The following NCOR2 variants were observed in gnomAD, a reference collection of about 807,000 sequenced individuals.
NCOR2 encodes the protein CTG repeat protein 26.
Under a neutral mutation model 262.9 loss-of-function variants are expected in NCOR2, and 81 were observed. That is an observed-to-expected ratio of 0.31 (90% CI 0.26 to 0.37). NCOR2 has a LOEUF of 0.37. Among genes scored for constraint, NCOR2 ranks in the 10% least tolerant of loss-of-function variants. The pLI is 1.00. For missense variants in NCOR2, 3,385 were observed against 3,621.4 expected, an observed-to-expected ratio of 0.93 and a Z score of 1.68; for synonymous variants, 1,659 against 1,559.3, an observed-to-expected ratio of 1.06 and a Z score of -1.51.
chr12:124,467,791 A>C (rs1293046773), intron 4 of NCOR2, among the ~76,000 whole-genome samples: 51 of 41,542 alleles, frequency 1.2e-3, no homozygotes, highest in African/African-American at 1.5e-3. Flanking sequence ...CCTTATCCTC[A>C]TCACCCCCAT....
At chr12:124,422,757 G>A (rs1197143744) in intron 11 of NCOR2, among the ~76,000 whole-genome samples, 2 of 152,256 alleles carry the variant, frequency 1.3e-5, no homozygotes, top group Non-Finnish European at 2.9e-5. Flanking sequence ...AAGAGAGGGC[G>A]TTCCTTGGAG....
At chr12:124,357,511 G>T (rs1358688870) in intron 22 of NCOR2, among the ~76,000 whole-genome samples, 1 of 152,192 alleles carries the variant, frequency 6.6e-6, no homozygotes, top group Non-Finnish European at 1.5e-5. Context: ...TGCCCAGGCT[G>T]GTCTTGAACT....
In NCOR2 at chr12:124,332,391, C is replaced by T. The variant is rs375952313; in HGVS notation, c.6832G>A (p.Ala2278Thr). Residue 2278 changes from alanine (A) to threonine (T), a missense_variant, in exon 43 of 47, where the codon GCC becomes ACC. Ala to Thr is a moderately conservative substitution (Grantham distance 58, BLOSUM62 0). Coordinates refer to ENST00000405201, the Ensembl canonical transcript of NCOR2. ...TCTTGCTTCTTGGACTTGACCATGGCGGAGTTGCTCTCGGTCAGCTTGCTG... is the reference window on the plus strand; with the variant it reads ...TCTTGCTTCTTGGACTTGACCATGGTGGAGTTGCTCTCGGTCAGCTTGCTG... 71 of 1,614,082 alleles carry T rather than the reference C, an allele frequency of 4.4e-5. No homozygotes were observed. In the Admixed American group the frequency reaches 5.0e-4, roughly 11 times the overall value.
intron 1 of NCOR2, among the ~76,000 whole-genome samples, chr12:124,515,650 TGA>T (rs2049704343): frequency 2.3e-5 from 2 of 88,270 alleles, no homozygotes; most frequent in South Asian, 4.9e-4. Flanking sequence ...AGTGTGCATA[TGA>T]GTGTGAGTGT....
intron 4 of NCOR2, 145 bp downstream of exon 6, chr12:124,472,807 C>G (rs902797882): frequency 4.8e-6 from 5 of 1,031,390 alleles, no homozygotes; most frequent in Non-Finnish European, 7.3e-6. Context: ...TGGATGTGCT[C>G]CTGTCCAATA....
intron 1 of NCOR2, among the ~76,000 whole-genome samples, chr12:124,501,334 CGA>C (rs2048721828): frequency 6.6e-6 from 1 of 152,102 alleles, no homozygotes; most frequent in Non-Finnish European, 1.5e-5. Context: ...TGACAGCCAC[CGA>C]GAGGCACGGC....
At chr12:124,550,513 G>T (rs574726668) in intron 1 of NCOR2, among the ~76,000 whole-genome samples, 67 of 152,134 alleles carry the variant, frequency 4.4e-4, no homozygotes, top group African/African-American at 1.5e-3. Context: ...GATGGTGAAC[G>T]GGGGGGAGGA....
intron 4 of NCOR2, among the ~76,000 whole-genome samples, chr12:124,468,312 ATCC>A (rs372968341): frequency 1.4e-4 from 1 of 6,946 alleles, no homozygotes; most frequent in African/African-American, 4.8e-4. Flanking sequence ...CACCCTCATC[ATCC>A]TCATCACCCT....
intron 5 of NCOR2, among the ~76,000 whole-genome samples, chr12:124,463,063 T>C (rs1177833428): frequency 6.6e-6 from 1 of 152,234 alleles, no homozygotes; most frequent in African/African-American, 2.4e-5. Context: ...GTCTCCTCTA[T>C]GAAGCCCATC....
intron 1 of NCOR2, among the ~76,000 whole-genome samples, chr12:124,565,781 A>T (rs2052218925): frequency 6.6e-6 from 1 of 152,220 alleles, no homozygotes. Flanking sequence ...CCTGACAGGC[A>T]CAGAGAAGTT....
At chr12:124,409,964 C>T (rs2042477147) in intron 13 of NCOR2, among the ~76,000 whole-genome samples, 1 of 151,902 alleles carries the variant, frequency 6.6e-6, no homozygotes, top group Non-Finnish European at 1.5e-5. Flanking sequence ...CAGGCATGAG[C>T]CACCGCACCG....
Position 124,378,030 on chromosome 12 carries a change from A to G in NCOR2, c.2167+207T>C, listed in dbSNP as rs1415125976. On this transcript the variant is annotated intron_variant, in intron 18 of 46. Coordinates refer to ENST00000405201, the Ensembl canonical transcript of NCOR2. This position sits in a 1 kb window ranked among gnomAD's most constrained non-coding sequence, Gnocchi z 4.2. ...GCTCCCAGAGAAGCTGATTATTCTC[A>G]GTATTGTTATGGCCTTCATCCTTGT... Among the ~76,000 whole-genome samples, 1 of 151,998 alleles carries G rather than the reference A, an allele frequency of 6.6e-6. No individual in the cohort carries two copies. The highest frequency in any genetic ancestry group is 1.5e-5 in the Non-Finnish European group (1 of 68,010).
chr12:124,335,733 A>C, intron 38 of NCOR2, 101 bp from the exon 41 acceptor site: 1 of 1,349,318 alleles, frequency 7.4e-7, no homozygotes, highest in Non-Finnish European at 9.9e-7. Context: ...CGGGGGGGTC[A>C]AGGGGAACCC....
intron 6 of NCOR2, among the ~76,000 whole-genome samples, chr12:124,455,983 C>T (rs969492789): frequency 3.9e-5 from 6 of 152,216 alleles, no homozygotes; most frequent in Admixed American, 3.9e-4. Context: ...TCAAGCGATC[C>T]TCCTGCCTCA....
In NCOR2 at chr12:124,344,644, C is replaced by T. The variant is rs1325302260; in HGVS notation, c.4667G>A (p.Arg1556Gln). ...CTCCCGCGTGGTCACGGGCGAACCTCGTGGGAGGTGGCCGGCAAAGGGTGC... is the reference window on the plus strand; with the variant it reads ...CTCCCGCGTGGTCACGGGCGAACCTTGTGGGAGGTGGCCGGCAAAGGGTGC... Residue 1556 changes from arginine to glutamine, a missense_variant, in exon 32 of 47, where the codon CGA becomes CAA. Coordinates refer to ENST00000405201, the Ensembl canonical transcript of NCOR2. 6 of 1,480,312 alleles carry T rather than the reference C, an allele frequency of 4.1e-6. No homozygotes were observed. The highest frequency in any genetic ancestry group is 5.0e-5 in the East Asian group (2 of 40,080). 91.7% of individuals were successfully genotyped at this position (1,480,312 alleles called of 1,614,324 possible).
At chr12:124,527,607 G>A (rs556463881) in intron 1 of NCOR2, among the ~76,000 whole-genome samples, 3 of 152,084 alleles carry the variant, frequency 2.0e-5, no homozygotes, top group African/African-American at 2.4e-5. Flanking sequence ...TATTAGAGAC[G>A]GGGTTTCACC....
At chr12:124,498,113 G>A (rs2048472328), upstream of NCOR2, among the ~76,000 whole-genome samples, 1 of 152,216 alleles carries the variant, frequency 6.6e-6, no homozygotes, top group Non-Finnish European at 1.5e-5. Flanking sequence ...CTGTTCCCGA[G>A]GTCTGCCCCT....
In NCOR2 at chr12:124,392,578, A is replaced by G. The variant is rs1024988252; in HGVS notation, c.1876+5541T>C. Among the ~76,000 whole-genome samples the G allele has an allele frequency of 2.0e-5, 3 of 152,118 alleles. No individual in the cohort carries two copies. In the East Asian group the frequency reaches 5.8e-4, roughly 29 times the overall value. The stretch of plus-strand genomic sequence containing the variant: ...GTAGCCGGGCAGACCCAAACCCAGG[A>G]GCAGCAGCACTGCCTACCGGCCCGC... On this transcript the variant is annotated intron_variant, in intron 16 of 46. Coordinates refer to ENST00000405201, the Ensembl canonical transcript of NCOR2.
chr12:124,550,684 G>A (rs2051687273), intron 1 of NCOR2, among the ~76,000 whole-genome samples: 1 of 152,214 alleles, frequency 6.6e-6, no homozygotes, highest in Admixed American at 6.5e-5. Context: ...ACCAAAAACA[G>A]TCTTTTATGT....
Sources: allele counts gnomAD v4.1 joint callset (sites outside exome capture counted in the v4.1 genomes callset), GRCh38; gene constraint gnomAD v4.1.1; non-coding constraint Gnocchi (gnomAD v3.1); transcripts MANE v1.5; gene names NCBI Gene and HGNC (gene_info 2026-07-23, HGNC 2026-07-21).